Variants in HSPG2 observed in about 807,000 individuals in gnomAD.
The protein encoded by HSPG2 is heparan sulfate proteoglycan 2.
HSPG2 carries 278 observed loss-of-function variants against 526.6 expected under a neutral mutation model. The ratio of observed to expected loss-of-function variants is 0.53; its 90% CI spans 0.48 to 0.58. The LOEUF is 0.58. Among genes scored for constraint, HSPG2 ranks in the 20% least tolerant of loss-of-function variants. The pLI is 0.00. For synonymous variants in HSPG2, 2,465 were observed against 2,555.4 expected, an observed-to-expected ratio of 0.96 and a Z score of 1.07; for missense variants, 5,354 against 6,099.5, an observed-to-expected ratio of 0.88 and a Z score of 4.07.
In HSPG2 at chr1:21,846,447, C is replaced by A. The variant is rs927473035; in HGVS notation, c.8316+1G>T. 2 of 1,613,342 alleles carry A rather than the reference C, an allele frequency of 1.2e-6. No individual in the cohort carries two copies. Among genetic ancestry groups the A allele is most frequent in the African/African-American group, 2.7e-5 (2 of 74,936 alleles). ...CCCACCATTTCCTGCCAGCTGCATA[C>A]CTGATGGTGACTGGGGAGGCTGCCC... On this transcript the variant is annotated splice_donor_variant, in intron 63 of 96. Coordinates refer to ENST00000374695, the MANE Select transcript of HSPG2 (RefSeq NM_005529.7). LOFTEE classifies it high-confidence loss of function.
At position 21,847,457 on chromosome 1, in the gene HSPG2, A is replaced by G; in HGVS notation, c.8061T>C (p.Ser2687=). The G allele has an allele frequency of 3.1e-6, 5 of 1,613,938 alleles. No individual in the cohort carries two copies. The highest frequency in any genetic ancestry group is 4.2e-6 in the Non-Finnish European group (5 of 1,180,006). Residue 2687 remains serine, a synonymous_variant, in exon 62 of 97, where the codon TCT becomes TCC. Transcript: ENST00000374695. The surrounding 1 kb of genome is among the most constrained non-coding windows in gnomAD (Gnocchi z 4.1). ...ACACATACTCGCCCGAGTCAGCCAC[A>G]GACATTTGGTGCAACCGCAGGTGGG... ...HGSHLRLHQM[S]VADSGEYVCR...
At position 21,849,748 on chromosome 1, in the gene HSPG2, C is replaced by T. The variant is rs1407572305; in HGVS notation, c.7446+293G>A. On this transcript the variant is annotated intron_variant, in intron 57 of 96. Coordinates refer to ENST00000374695, the MANE Select transcript of HSPG2 (RefSeq NM_005529.7). ...AGGCTGGAGTGCAACGGCACGATCT[C>T]GGCTCACTGCAACCTCCGCCTCCTG... Among the ~76,000 whole-genome samples, 8 of 151,970 alleles carry T rather than the reference C, an allele frequency of 5.3e-5. 1 individual carries two copies. The highest frequency in any genetic ancestry group is 2.6e-4 in the Admixed American group (4 of 15,270).
At position 21,857,168 on chromosome 1, in the gene HSPG2, G is replaced by A. The variant is rs757423252; in HGVS notation, c.5422C>T (p.Arg1808Cys). The A allele has an allele frequency of 1.6e-5, 26 of 1,613,984 alleles. No homozygotes were observed. In the East Asian group the frequency reaches 2.0e-4, roughly 12 times the overall value. Residue 1808 changes from arginine (R) to cysteine (C), a missense_variant, in exon 44 of 97, where the codon CGC becomes TGC. Arg to Cys is a radical substitution (Grantham distance 180). Transcript: ENST00000374695. ...GTGGGCAGTTTCCCGTTGTGCAGGC[G>A]GGTCCACACCAGGGTATAGGCTGGG... ...KSPAYTLVWT[R>C]LHNGKLPTRA...
rs2152706990 is a variant in HSPG2, at chr1:21,842,844, A to G, written c.8836T>C (p.Cys2946Arg). Residue 2946 changes from cysteine to arginine, a missense_variant, in exon 67 of 97, where the codon TGT (cysteine) becomes CGT (arginine). By Grantham distance (180) the Cys-to-Arg change is radical. Coordinates refer to ENST00000374695, the MANE Select transcript of HSPG2 (RefSeq NM_005529.7). The part of the protein sequence containing the change: ...VTEGQTLDLN[C>R]VVPGQAHAQV... ...GCATGGGCCTGCCCGGGCACCACACAGTTCAGATCCAGAGTCTGCCCTTCA... is the reference window on the plus strand; with the variant it reads ...GCATGGGCCTGCCCGGGCACCACACGGTTCAGATCCAGAGTCTGCCCTTCA... 1.2e-6 allele frequency: 2 copies of G among 1,614,092 alleles called. No homozygotes were observed. The highest frequency in any genetic ancestry group is 2.2e-5 in the South Asian group (2 of 91,084).
At chr1:21,912,335 G>C (rs569689182) in intron 1 of HSPG2, among the ~76,000 whole-genome samples, 1 of 152,292 alleles carries the variant, frequency 6.6e-6, no homozygotes, top group East Asian at 1.9e-4. Flanking sequence ...CGAGGTGTAA[G>C]TACCACTTCT....
In HSPG2 at chr1:21,881,425, G is replaced by A. The variant is rs769685027; in HGVS notation, c.1732C>T (p.His578Tyr). Residue 578 changes from histidine to tyrosine, a missense_variant, in exon 14 of 97, where the codon CAC (histidine) becomes TAC (tyrosine). By Grantham distance (83) the His-to-Tyr change is moderately conservative (BLOSUM62 2). Transcript: ENST00000374695. The part of the protein sequence containing the change: ...STQLQIDPSL[H>Y]EFQLVDLSRR... ...GACAGGTCGACTAGCTGGAACTCGTGCAGGGATGGGTCGATCTGCAGCTGC... is the reference window on the plus strand; with the variant it reads ...GACAGGTCGACTAGCTGGAACTCGTACAGGGATGGGTCGATCTGCAGCTGC... The A allele has an allele frequency of 1.2e-6, 2 of 1,614,008 alleles. No individual in the cohort carries two copies. The highest frequency in any genetic ancestry group is 8.5e-7 in the Non-Finnish European group (1 of 1,180,032).
Position 21,847,722 on chromosome 1 carries a change from G to A in HSPG2, c.7992C>T (p.Tyr2664=), listed in dbSNP as rs1041237255. The part of the protein sequence containing the change: ...ARQPQAIITW[Y]KRGGSLPSRH... ...GGGAGGGAAGGCTGCCCCCACGCTT[G>A]TACCATGTGATGATAGCCTGGGGCT... The change falls in exon 61 of 97, where the codon TAC becomes TAT. Residue 2664 remains tyrosine (Y), a synonymous_variant. Transcript: ENST00000374695. The surrounding 1 kb of genome is among the most constrained non-coding windows in gnomAD (Gnocchi z 4.1). 1.2e-5 allele frequency: 20 copies of A among 1,612,050 alleles called. No individual in the cohort carries two copies. The highest frequency in any genetic ancestry group is 1.5e-5 in the Non-Finnish European group (18 of 1,179,282).
chr1:21,875,808 A>G, intron 24 of HSPG2, 55 bp downstream of exon 24: 2 of 1,606,598 alleles, frequency 1.2e-6, no homozygotes, highest in South Asian at 2.2e-5. Context: ...AATGCCGGAG[A>G]GGCAGGAGCA....
chr1:21,847,474 G>A lies in HSPG2; in HGVS notation c.8044C>T (p.Arg2682Trp), dbSNP rs142458572. The A allele has an allele frequency of 2.6e-3, 4,181 of 1,613,880 alleles. 13 individuals carry two copies. The highest frequency in any genetic ancestry group is 0.013 in the Middle Eastern group (81 of 6,062). Residue 2682 changes from arginine to tryptophan, a missense_variant, in exon 62 of 97, where the codon CGG becomes TGG. Coordinates refer to ENST00000374695, the MANE Select transcript of HSPG2 (RefSeq NM_005529.7). This position sits in a 1 kb window ranked among gnomAD's most constrained non-coding sequence, Gnocchi z 4.1. ...TCAGCCACAGACATTTGGTGCAACC[G>A]CAGGTGGGAGCCATGGGTCTGGACG... The part of the protein sequence containing the change: ...SRHQTHGSHL[R>W]LHQMSVADSG...
intron 63 of HSPG2, 77 bp from the exon 64 acceptor site, chr1:21,846,332 C>G: frequency 6.2e-7 from 1 of 1,609,762 alleles, no homozygotes; most frequent in Non-Finnish European, 8.5e-7. Context: ...CAGGGTCTAA[C>G]CTCTGACACA....
At chr1:21,829,130 C>A in intron 87 of HSPG2, 51 bp from the exon 88 acceptor site, 1 of 1,518,108 alleles carries the variant, frequency 6.6e-7, no homozygotes, top group Non-Finnish European at 8.8e-7. Flanking sequence ...ACGGGGCTCC[C>A]TGCCCTCTCC....
intron 1 of HSPG2, among the ~76,000 whole-genome samples, chr1:21,933,888 G>A (rs538159168): frequency 1.3e-5 from 2 of 152,230 alleles, no homozygotes; most frequent in Admixed American, 6.5e-5. Flanking sequence ...CGCCAGGAAG[G>A]GGAGGCTCCT....
intron 1 of HSPG2, among the ~76,000 whole-genome samples, chr1:21,934,914 T>G (rs947856340): frequency 3.1e-5 from 4 of 130,368 alleles, no homozygotes; most frequent in Admixed American, 7.8e-5. Context: ...TTTTTATTGT[T>G]TGTTTGTTTT....
At position 21,855,877 on chromosome 1, in the gene HSPG2, G is replaced by T; in HGVS notation, c.5611C>A (p.His1871Asn). ...GGCTGCACTGTGAGCTGTGGCGGAT[G>T]GATGGAGACCACGGGGGCGGACAAG... ...GTLSAPVVSI[H>N]PPQLTVQPGQ... The change falls in exon 45 of 97, where the codon CAT becomes AAT. Residue 1871 changes from histidine to asparagine, a missense_variant. Transcript: ENST00000374695. The T allele has an allele frequency of 6.2e-7, 1 of 1,612,210 alleles. No individual in the cohort carries two copies. The highest frequency in any genetic ancestry group is 1.1e-5 in the South Asian group (1 of 91,076).
rs769858496 is a variant in HSPG2 at position 21,839,442 on chromosome 1, G to A, written c.9818C>T (p.Ser3273Leu). Residue 3273 changes from serine (S) to leucine (L), a missense_variant, in exon 73 of 97, where the codon TCG becomes TTG. Transcript: ENST00000374695. The surrounding 1 kb of genome is among the most constrained non-coding windows in gnomAD (Gnocchi z 4.5). The stretch of plus-strand genomic sequence containing the variant: ...AGTGGCATTGCAGATGTACTGGCCC[G>A]AGTCCTGCTGGGCTACCCGGGGTAT... ...LIIPRVAQQD[S>L]GQYICNATSP... The A allele has an allele frequency of 1.2e-6, 2 of 1,614,034 alleles. No individual in the cohort carries two copies. The highest frequency in any genetic ancestry group is 1.1e-5 in the South Asian group (1 of 91,084).
intron 81 of HSPG2, 103 bp from the exon 82 acceptor site, chr1:21,831,899 C>A: frequency 1.6e-6 from 2 of 1,243,132 alleles, no homozygotes; most frequent in Non-Finnish European, 1.1e-6. Flanking sequence ...GGGATGTCAC[C>A]ACTTCCTGCA....
chr1:21,875,056 G>T, intron 25 of HSPG2, 54 bp from the exon 26 acceptor site: 1 of 1,305,576 alleles, frequency 7.7e-7, no homozygotes, highest in South Asian at 1.3e-5. Context: ...TGCCAGGCAC[G>T]CCTGGAGTCC....
chr1:21,890,358 C>T lies in HSPG2; in HGVS notation c.413+69G>A. 6.7e-7 allele frequency: 1 copy of T among 1,498,114 alleles called. No individual in the cohort carries two copies. 92.8% of individuals were successfully genotyped at this position (1,498,114 alleles called of 1,614,324 possible). A position where few individuals can be genotyped will look rare whatever the true frequency, so the allele number is the denominator to read the frequency against. ...TTTCCGCGGTGCCAGGCTTCCTTCCCATCCTCATCAGCCCCCTCCAGGTTA... is the reference window on the plus strand; with the variant it reads ...TTTCCGCGGTGCCAGGCTTCCTTCCTATCCTCATCAGCCCCCTCCAGGTTA... On this transcript the variant is annotated intron_variant, in intron 5 of 96. Coordinates refer to ENST00000374695, the MANE Select transcript of HSPG2 (RefSeq NM_005529.7). This position sits in a 1 kb window ranked among gnomAD's most constrained non-coding sequence, Gnocchi z 4.1.
intron 77 of HSPG2, 130 bp downstream of exon 77, chr1:21,834,549 T>TA: frequency 8.6e-7 from 1 of 1,162,892 alleles, no homozygotes; most frequent in Non-Finnish European, 1.2e-6. Context: ...ACCTGCCCCT[T>TA]AAACACACAC....
Sources: gnomAD v4.1 joint callset for allele counts (sites outside exome capture counted in the v4.1 genomes callset) on GRCh38, gnomAD v4.1.1 for gene constraint, Gnocchi (gnomAD v3.1) non-coding constraint, MANE v1.5 for transcripts, NCBI Gene and HGNC (gene_info 2026-07-23, HGNC 2026-07-21) for gene names.